AHCY: variants seen among roughly 807,000 people sequenced by gnomAD.
AHCY encodes the protein S-adenosyl-L-homocysteine hydrolase.
A neutral mutation model predicts 45.4 loss-of-function variants in AHCY; 24 were observed. The observed-to-expected ratio is 0.53, with a 90% CI of 0.38 to 0.74. AHCY has a LOEUF of 0.74. Ranked by LOEUF, AHCY falls within the 30% of genes least tolerant of loss-of-function variation. The pLI, the probability that AHCY is intolerant of heterozygous loss-of-function variation, is 0.00. For missense variants in AHCY, 449 were observed against 594.1 expected (o/e 0.76, Z 2.54); for synonymous variants, 245 against 235.1 (o/e 1.04, Z -0.39).
At chr20:34,268,183 G>C in the AHCY span, among the ~76,000 whole-genome samples, 1 of 152,194 alleles carries the variant, frequency 6.6e-6, no homozygotes, top group Non-Finnish European at 1.5e-5. Flanking sequence ...AGTAGCCACA[G>C]ATGACCAGTG....
the AHCY span, among the ~76,000 whole-genome samples, chr20:34,259,327 A>G: frequency 6.6e-6 from 1 of 152,136 alleles, no homozygotes; most frequent in Admixed American, 6.6e-5. Context: ...AGCCTGGCCA[A>G]CATGGTGAAA....
the AHCY span, chr20:34,262,680 C>CT: frequency 1.3e-6 from 1 of 758,884 alleles, no homozygotes; most frequent in Admixed American, 2.3e-5. Context: ...CAAGAACCTA[C>CT]TGGCTTGAGT....
intron 5 of AHCY, among the ~76,000 whole-genome samples, chr20:34,291,176 A>G (rs962039010): frequency 6.6e-6 from 1 of 152,192 alleles, no homozygotes; most frequent in Non-Finnish European, 1.5e-5. Flanking sequence ...AGTTACTAGG[A>G]GAGATTGCCC....
chr20:34,258,184 T>C, the AHCY span, among the ~76,000 whole-genome samples: 3 of 151,698 alleles, frequency 2.0e-5, no homozygotes, highest in African/African-American at 7.3e-5. Flanking sequence ...AATAGTTAAG[T>C]GCTCCATCGG....
At chr20:34,261,158 A>G in the AHCY span, among the ~76,000 whole-genome samples, 1 of 152,220 alleles carries the variant, frequency 6.6e-6, no homozygotes, top group African/African-American at 2.4e-5. Context: ...CCAGAACCTA[A>G]GCTCAAAACT....
chr20:34,252,340 G>A, the AHCY span, among the ~76,000 whole-genome samples: 9 of 152,204 alleles, frequency 5.9e-5, no homozygotes, highest in Non-Finnish European at 1.0e-4. Context: ...AGGGCAACAG[G>A]TGGGGAGAAG....
upstream of AHCY, among the ~76,000 whole-genome samples, chr20:34,306,239 T>G (rs900404551): frequency 2.0e-5 from 3 of 152,202 alleles, no homozygotes; most frequent in Non-Finnish European, 1.5e-5. Context: ...GAACAAAACT[T>G]TGGAGACTGC....
chr20:34,242,146 TAA>T, the AHCY span, among the ~76,000 whole-genome samples: 24 of 152,250 alleles, frequency 1.6e-4, no homozygotes, highest in Admixed American at 1.4e-3. Context: ...TTAAAGAGGC[TAA>T]ATGGGATGGC....
chr20:34,302,945 G>A (rs2036830596), intron 1 of AHCY: 1 of 985,448 alleles, frequency 1.0e-6, no homozygotes, highest in Non-Finnish European at 1.2e-6. Flanking sequence ...AGCCGTCCCA[G>A]GCCGTGGCCA....
chr20:34,253,014 A>G, the AHCY span, among the ~76,000 whole-genome samples: 1 of 152,232 alleles, frequency 6.6e-6, no homozygotes, highest in African/African-American at 2.4e-5. Flanking sequence ...AGCATCTCAA[A>G]GCAGAAACAA....
the AHCY span, among the ~76,000 whole-genome samples, chr20:34,253,447 T>TTTATTTATTTA: frequency 1.9e-5 from 2 of 103,764 alleles, no homozygotes; most frequent in African/African-American, 1.3e-4. Flanking sequence ...TTTTATTTTA[T>TTTATTTATTTA]TTTATTTATT....
chr20:34,287,887 G>C (rs1030781984), intron 8 of AHCY, among the ~76,000 whole-genome samples: 16 of 152,202 alleles, frequency 1.1e-4, no homozygotes, highest in Non-Finnish European at 2.1e-4. Context: ...CAGAAGGTTG[G>C]CAAGACTGTC....
chr20:34,237,404 C>G, the AHCY span, among the ~76,000 whole-genome samples: 2 of 152,066 alleles, frequency 1.3e-5, no homozygotes, highest in African/African-American at 4.8e-5. Context: ...TATGTTAATT[C>G]CTAATTCTTT....
chr20:34,290,770 C>T lies in AHCY; in HGVS notation c.727G>A (p.Glu243Lys), dbSNP rs2036353931. The T allele has an allele frequency of 2.5e-6, 4 of 1,613,924 alleles. No individual in the cohort carries two copies. Among genetic ancestry groups the T allele is most frequent in the African/African-American group, 2.7e-5 (2 of 74,912 alleles). Residue 243 changes from glutamate to lysine, a missense_variant, in exon 6 of 10, where the codon GAG becomes AAG. Coordinates refer to ENST00000217426, the MANE Select transcript of AHCY (RefSeq NM_000687.4). This position sits in a 1 kb window ranked among gnomAD's most constrained non-coding sequence, Gnocchi z 4.5. ...RGFGARVIIT[E>K]IDPINALQAA... ...TGCAGTGCGTTGATGGGGTCAATCTCGGTGATGATGACGCGGGCTCCGAAA... is the reference window on the plus strand; with the variant it reads ...TGCAGTGCGTTGATGGGGTCAATCTTGGTGATGATGACGCGGGCTCCGAAA...
At chr20:34,265,565 C>T in the AHCY span, among the ~76,000 whole-genome samples, 1 of 151,984 alleles carries the variant, frequency 6.6e-6, no homozygotes, top group African/African-American at 2.4e-5. Flanking sequence ...AGAGTTTGTG[C>T]CCCTAACCCC....
intron 1 of AHCY, among the ~76,000 whole-genome samples, chr20:34,298,607 G>GT (rs1348994769): frequency 7.4e-6 from 1 of 135,818 alleles, no homozygotes; most frequent in Non-Finnish European, 1.5e-5. Context: ...GGCGGCGGCG[G>GT]GAGGGGGGGG....
chr20:34,301,750 C>G (rs1314153011), intron 1 of AHCY: 3 of 939,310 alleles, frequency 3.2e-6, no homozygotes, highest in Admixed American at 1.2e-4. Flanking sequence ...ATGTGACCTT[C>G]ACATAACCTT....
chr20:34,277,399 TTTCCTA>T (rs1266315188), downstream of AHCY, among the ~76,000 whole-genome samples: 2 of 152,050 alleles, frequency 1.3e-5, no homozygotes, highest in Non-Finnish European at 2.9e-5. Flanking sequence ...AATTTTCTAA[TTTCCTA>T]AGTATCCTAA....
chr20:34,232,347 C>T, the AHCY span, among the ~76,000 whole-genome samples: 12 of 152,270 alleles, frequency 7.9e-5, no homozygotes, highest in East Asian at 2.3e-3. Context: ...CAACAGCATC[C>T]ACCGTCAGTT....
Sources: allele counts gnomAD v4.1 joint callset (sites outside exome capture counted in the v4.1 genomes callset), GRCh38; gene constraint gnomAD v4.1.1; non-coding constraint Gnocchi (gnomAD v3.1); transcripts MANE v1.5; gene names NCBI Gene and HGNC (gene_info 2026-07-23, HGNC 2026-07-21).